The following GTPBP1 variants were observed in gnomAD, a reference collection of about 807,000 sequenced individuals.
The protein encoded by GTPBP1 is GTP-binding protein 1.
Under a neutral mutation model 62.0 loss-of-function variants are expected in GTPBP1, and 23 were observed. The ratio of observed to expected loss-of-function variants is 0.37; its 90% CI spans 0.27 to 0.53. The LOEUF is 0.53. GTPBP1 is among the 20% of genes least tolerant of loss of function. The pLI is 0.89. For synonymous variants in GTPBP1, 344 were observed against 364.4 expected, an observed-to-expected ratio of 0.94 and a Z score of 0.64; for missense variants, 640 against 917.3, an observed-to-expected ratio of 0.70 and a Z score of 3.90.
At position 38,706,054 on chromosome 22, in the gene GTPBP1, G is replaced by T. The variant is rs2092602119; in HGVS notation, c.99G>T (p.Ala33=). 2 of 1,370,496 alleles carry T rather than the reference G, an allele frequency of 1.5e-6. No homozygotes were observed. The highest frequency in any genetic ancestry group is 1.6e-5 in the South Asian group (1 of 63,498). The allele number at this position is 1,370,496 out of a possible 1,614,324, so 84.9% of individuals were successfully genotyped here. Residue 33 remains alanine, a synonymous_variant, in exon 1 of 12, where the codon GCG becomes GCT. Transcript: ENST00000216044. ...PSSPGAARAA[A]AAARLHGGFD... is the part of the protein sequence containing the mutation. The stretch of plus-strand genomic sequence containing the variant: ...CCCCGGGGGCGGCCAGGGCCGCGGC[G>T]GCCGCCGCCCGACTCCACGGCGGCT...
chr22:38,709,002 C>G (rs1035187767), intron 2 of GTPBP1, 46 bp downstream of exon 2: 1 of 1,208,304 alleles, frequency 8.3e-7, no homozygotes, highest in South Asian at 1.2e-5. Flanking sequence ...ATTATTGGGC[C>G]GGGTGCGGTG....
rs1418689651 is a variant in GTPBP1 at position 38,706,017 on chromosome 22, C to A, written c.62C>A (p.Pro21His). Residue 21 changes from proline (P) to histidine (H), a missense_variant, in exon 1 of 12, where the codon CCC (proline) becomes CAC (histidine). Pro to His is a moderately conservative substitution (Grantham distance 77). This residue lies in a region of GTPBP1 where 215 missense variants were observed against 235.1 expected (regional missense o/e 0.91). Transcript: ENST00000216044. ...CCGGTCCCGGCCTCTATGTTCGCCC[C>A]CGAGCCCAGCTCCCCGGGGGCGGCC... Reference protein sequence around the residue: ...DSPVPASMFAPEPSSPGAARA... With the variant: ...DSPVPASMFAHEPSSPGAARA... 4 of 1,435,880 alleles carry A rather than the reference C, an allele frequency of 2.8e-6. No individual in the cohort carries two copies. In the East Asian group the frequency reaches 1.2e-4, roughly 43 times the overall value. 88.9% of individuals were successfully genotyped at this position (1,435,880 alleles called of 1,614,324 possible).
At chr22:38,738,225 C>G (rs938202473), downstream of GTPBP1, 2 of 1,613,958 alleles carry the variant, frequency 1.2e-6, no homozygotes, top group Non-Finnish European at 1.7e-6. The surrounding 1 kb of genome is among the most constrained non-coding windows in gnomAD (Gnocchi z 6.6). Context: ...AGTGAACTTG[C>G]CAAGGAGTGT....
At chr22:38,739,651 G>A (rs1212228810), downstream of GTPBP1, 1 of 1,542,520 alleles carries the variant, frequency 6.5e-7, no homozygotes, top group African/African-American at 1.4e-5. The surrounding 1 kb of genome is among the most constrained non-coding windows in gnomAD (Gnocchi z 6.7). Flanking sequence ...AGCTGGCAGT[G>A]TGGGACTGTC....
intron 4 of GTPBP1, among the ~76,000 whole-genome samples, chr22:38,719,629 T>C (rs919822505): frequency 1.4e-5 from 2 of 140,348 alleles, no homozygotes; most frequent in African/African-American, 2.6e-5. Context: ...TTTAGTTTGG[T>C]TTTTTTTTTT....
chr22:38,739,488 G>A (rs543453740), downstream of GTPBP1: 300 of 1,577,990 alleles, frequency 1.9e-4, no homozygotes, highest in African/African-American at 3.6e-3. This position sits in a 1 kb window ranked among gnomAD's most constrained non-coding sequence, Gnocchi z 6.7. Context: ...CTGTCACCTC[G>A]TGGCCGTGGG....
downstream of GTPBP1, chr22:38,739,310 A>G (rs567787342): frequency 1.1e-5 from 18 of 1,609,964 alleles, no homozygotes; most frequent in South Asian, 1.9e-4. This position sits in a 1 kb window ranked among gnomAD's most constrained non-coding sequence, Gnocchi z 6.7. Context: ...GGGGTCCAGG[A>G]CAAGGCAGAG....
chr22:38,729,393 TG>T (rs893985056), intron 10 of GTPBP1, 68 bp from the exon 11 acceptor site: 27 of 1,164,194 alleles, frequency 2.3e-5, no homozygotes, highest in East Asian at 8.2e-5. Context: ...GGGCTGAGGG[TG>T]GGGGGTAGCC....
chr22:38,721,535 T>G (rs1459530697), intron 4 of GTPBP1, among the ~76,000 whole-genome samples: 1 of 152,208 alleles, frequency 6.6e-6, no homozygotes, highest in Non-Finnish European at 1.5e-5. Flanking sequence ...TTTTGATGGC[T>G]CAGGACAGTT....
downstream of GTPBP1, chr22:38,735,325 C>T: frequency 2.3e-6 from 1 of 436,512 alleles, no homozygotes; most frequent in Non-Finnish European, 4.5e-6. Context: ...GATGTGGGGG[C>T]CGGTGCAGAC....
intron 2 of GTPBP1, among the ~76,000 whole-genome samples, chr22:38,713,432 C>T (rs940978383): frequency 6.6e-6 from 1 of 152,114 alleles, no homozygotes; most frequent in African/African-American, 2.4e-5. Flanking sequence ...AGTTAAGAGT[C>T]TGTTGTGGTG....
chr22:38,706,507 C>T (rs1295062350), intron 1 of GTPBP1: 1 of 177,956 alleles, frequency 5.6e-6, no homozygotes, highest in Non-Finnish European at 1.2e-5. Context: ...TTCTTCGGGT[C>T]CCCACTTGAG....
chr22:38,742,963 AG>A (rs1215477791), downstream of GTPBP1: 1 of 168,394 alleles, frequency 5.9e-6, no homozygotes, highest in East Asian at 1.7e-4. Context: ...CAGGGGAGCC[AG>A]GGCTGCGAGT....
Position 38,727,373 on chromosome 22 carries a change from C to A in GTPBP1, c.1537+25C>A. ...GGTAGGTGTCTAAGGCCCTGCCAGC[C>A]CAGGAGGCCGTCGTGTTAGCTCCCC... On this transcript the variant is annotated intron_variant, in intron 9 of 11. Coordinates refer to ENST00000216044, the MANE Select transcript of GTPBP1 (RefSeq NM_004286.5). The surrounding 1 kb of genome is among the most constrained non-coding windows in gnomAD (Gnocchi z 6.5). 6.6e-7 allele frequency: 1 copy of A among 1,515,278 alleles called. No homozygotes were observed. The allele number at this position is 1,515,278 out of a possible 1,614,324, so 93.9% of individuals were successfully genotyped here. A position where few individuals can be genotyped will look rare whatever the true frequency, so the allele number is the denominator to read the frequency against.
intron 6 of GTPBP1, chr22:38,725,669 G>A: frequency 3.8e-6 from 1 of 262,526 alleles, no homozygotes. Context: ...CTCTGTGGTG[G>A]AAAGGCGGTT....
chr22:38,724,464 C>T (rs1037824745), intron 6 of GTPBP1, 53 bp downstream of exon 6: 13 of 1,041,706 alleles, frequency 1.2e-5, no homozygotes, highest in Non-Finnish European at 2.0e-5. Context: ...GGCAGGACCA[C>T]AGTGAGTGAT....
Position 38,721,855 on chromosome 22 carries a change from C to T in GTPBP1, c.948C>T (p.Asn316=), listed in dbSNP as rs1334155633. 1 of 1,589,778 alleles carries T rather than the reference C, an allele frequency of 6.3e-7. No homozygotes were observed. The highest frequency in any genetic ancestry group is 8.6e-7 in the Non-Finnish European group (1 of 1,162,566). ...VVTKIDMCPA[N]ILQETLKLLQ... ...CCAAGATTGACATGTGTCCTGCCAA[C>T]ATCCTGCAAGGTAAGTGAAGCCTCC... Residue 316 remains asparagine, a synonymous_variant, in exon 5 of 12, where the codon AAC becomes AAT. Coordinates refer to ENST00000216044, the MANE Select transcript of GTPBP1 (RefSeq NM_004286.5).
rs2092758644 is a variant in GTPBP1, at chr22:38,731,241, G to T, written c.*537G>T. 1 of 152,516 alleles carries T rather than the reference G, an allele frequency of 6.6e-6. No homozygotes were observed. The highest frequency in any genetic ancestry group is 2.4e-5 in the African/African-American group (1 of 41,418). The allele number at this position is 152,516 out of a possible 1,614,324, so 9.4% of individuals were successfully genotyped here. A position where few individuals can be genotyped will look rare whatever the true frequency, so the allele number is the denominator to read the frequency against. On this transcript the variant is annotated 3_prime_UTR_variant, in exon 12 of 12. Transcript: ENST00000216044. ...TCCATGGAGCCAGACCGGGTGGAGG[G>T]GCTTCTGGGATTTGGTGTCTGCTGC...
At chr22:38,742,386 G>A (rs2092866210), downstream of GTPBP1, 4 of 1,613,320 alleles carry the variant, frequency 2.5e-6, no homozygotes, top group Non-Finnish European at 3.4e-6. Context: ...CAGCGCCAGG[G>A]TGTCCTCGTG....
Sources: gnomAD v4.1 joint callset for allele counts (sites outside exome capture counted in the v4.1 genomes callset) on GRCh38, gnomAD v4.1.1 for gene constraint, gnomAD v4.1.1 regional missense constraint, Gnocchi (gnomAD v3.1) non-coding constraint, MANE v1.5 for transcripts, NCBI Gene and HGNC (gene_info 2026-07-23, HGNC 2026-07-21) for gene names.